MSH3: variants seen among roughly 807,000 people sequenced by gnomAD.
MSH3 encodes the protein mutS homolog 3, also known as DNA mismatch repair protein Msh3.
A neutral mutation model predicts 123.3 loss-of-function variants in MSH3; 106 were observed. The ratio of observed to expected loss-of-function variants is 0.86; its 90% CI spans 0.73 to 1.01. MSH3 has a LOEUF of 1.01. MSH3 is among the 50% of genes least tolerant of loss of function. The pLI, the probability that MSH3 is intolerant of heterozygous loss-of-function variation, is 0.00. For missense variants in MSH3, 1,459 were observed against 1,347.6 expected (o/e 1.08, Z -1.29); for synonymous variants, 515 against 481.4 (o/e 1.07, Z -0.91).
intron 21 of MSH3, among the ~76,000 whole-genome samples, chr5:80,858,741 G>A (rs1745960989): frequency 6.6e-6 from 1 of 152,036 alleles, no homozygotes; most frequent in Non-Finnish European, 1.5e-5. Flanking sequence ...GTGTTGTTGA[G>A]TTCAGCTGTG....
intron 20 of MSH3, among the ~76,000 whole-genome samples, chr5:80,837,136 A>G (rs931825591): frequency 6.6e-6 from 1 of 152,232 alleles, no homozygotes; most frequent in Non-Finnish European, 1.5e-5. Context: ...GTTTTTAAGC[A>G]TAGGAATCAA....
Position 80,854,194 on chromosome 5 carries a change from G to A in MSH3, c.2878G>A (p.Ala960Thr), listed in dbSNP as rs748227776. 6.2e-7 allele frequency: 1 copy of A among 1,613,816 alleles called. No homozygotes were observed. The highest frequency in any genetic ancestry group is 8.5e-7 in the Non-Finnish European group (1 of 1,179,804). ...ATTTATGGAAGAACTGACTGACACA[G>A]CAGAAATAATCAGAAAAGCAACATC... Reference protein sequence around the residue: ...STFMEELTDTAEIIRKATSQS... With the variant: ...STFMEELTDTTEIIRKATSQS... Residue 960 changes from alanine (A) to threonine (T), a missense_variant, in exon 21 of 24, where the codon GCA becomes ACA. Physicochemically the swap from Ala to Thr is moderately conservative, Grantham distance 58 (BLOSUM62 0). Transcript: ENST00000265081.
At chr5:80,819,241 G>A (rs1037918187) in intron 20 of MSH3, among the ~76,000 whole-genome samples, 77 of 151,860 alleles carry the variant, frequency 5.1e-4, no homozygotes, top group African/African-American at 1.8e-3. Context: ...ATGTTATTAG[G>A]AGATGTTAAC....
chr5:80,856,282 TG>T lies in MSH3; in HGVS notation c.3000+1967del, dbSNP rs562844948. ...GATTACATAGGTAATTATAACATTT[TG>T]TTTTTTTTAAGGAATTTTTTGTTTT... On this transcript the variant is annotated intron_variant, in intron 21 of 23. Coordinates refer to ENST00000265081, the MANE Select transcript of MSH3 (RefSeq NM_002439.5). 1.2e-3 allele frequency among the ~76,000 whole-genome samples: 186 copies of T among 152,208 alleles called. 1 individual carries two copies. The highest frequency in any genetic ancestry group is 4.2e-3 in the African/African-American group (173 of 41,530).
intron 16 of MSH3, 73 bp from the exon 17 acceptor site, chr5:80,778,647 T>C: frequency 2.4e-6 from 2 of 848,082 alleles, no homozygotes; most frequent in East Asian, 2.4e-5. Context: ...AAATAACTAA[T>C]TTTCTAAAGT....
intron 19 of MSH3, 101 bp from the exon 20 acceptor site, chr5:80,813,483 A>G: frequency 5.0e-6 from 6 of 1,204,496 alleles, no homozygotes; most frequent in Admixed American, 1.8e-5. Context: ...TTATGCTACA[A>G]AGTAATGTTT....
In MSH3 at chr5:80,665,071, A is replaced by G. The variant is rs1157352034; in HGVS notation, c.359-72A>G. On this transcript the variant is annotated intron_variant, in intron 2 of 23. Transcript: ENST00000265081. Reference sequence around the variant, plus strand: ...GGAATCTACCTCTTTAAAAAATTCTATGCTGGTTATGAATTGACATAATGA... The same window carrying G: ...GGAATCTACCTCTTTAAAAAATTCTGTGCTGGTTATGAATTGACATAATGA... 2.2e-5 allele frequency: 25 copies of G among 1,136,648 alleles called. No homozygotes were observed. In the East Asian group the frequency reaches 2.5e-4, roughly 11 times the overall value. The allele number at this position is 1,136,648 out of a possible 1,614,324, so 70.4% of individuals were successfully genotyped here. A position where few individuals can be genotyped will look rare whatever the true frequency, so the allele number is the denominator to read the frequency against.
chr5:80,770,319 C>T (rs1368709383), intron 15 of MSH3, among the ~76,000 whole-genome samples: 2 of 148,104 alleles, frequency 1.4e-5, no homozygotes, highest in African/African-American at 5.0e-5. Context: ...AGTGCCAATT[C>T]TACCATTTAC....
At position 80,829,370 on chromosome 5, in the gene MSH3, T is replaced by G. The variant is rs1421990879; in HGVS notation, c.2813+15629T>G. On this transcript the variant is annotated intron_variant, in intron 20 of 23. Coordinates refer to ENST00000265081, the MANE Select transcript of MSH3 (RefSeq NM_002439.5). ...CATTAAGTATGATGTTAGCTATAGGTTTTTTTGTGAATATTCCTTATCAAG... is the reference window on the plus strand; with the variant it reads ...CATTAAGTATGATGTTAGCTATAGGGTTTTTTGTGAATATTCCTTATCAAG... 5.3e-5 allele frequency among the ~76,000 whole-genome samples: 8 copies of G among 152,184 alleles called. No homozygotes were observed. In the East Asian group the frequency reaches 9.6e-4, roughly 18 times the overall value.
At chr5:80,772,464 A>G (rs1744229281) in intron 15 of MSH3, among the ~76,000 whole-genome samples, 1 of 152,156 alleles carries the variant, frequency 6.6e-6, no homozygotes, top group Non-Finnish European at 1.5e-5. Context: ...CAGTGATACC[A>G]CAGGCTATAT....
In MSH3 at chr5:80,687,934, G is replaced by C. The variant is rs1433091527; in HGVS notation, c.1340+8841G>C. Among the ~76,000 whole-genome samples, 4 of 152,128 alleles carry C rather than the reference G, an allele frequency of 2.6e-5. No individual in the cohort carries two copies. In the East Asian group the frequency reaches 5.8e-4, roughly 22 times the overall value. On this transcript the variant is annotated intron_variant, in intron 8 of 23. Transcript: ENST00000265081. ...TAGAGAATGCCAATAGTTGGGAATA[G>C]GAGCAAGAATACAAACAGAAGGGGA...
At chr5:80,783,779 G>A (rs928449612) in intron 17 of MSH3, among the ~76,000 whole-genome samples, 3 of 152,148 alleles carry the variant, frequency 2.0e-5, no homozygotes, top group Admixed American at 6.6e-5. Context: ...TGTCCAGAGA[G>A]GCAAGGGCAG....
intron 8 of MSH3, among the ~76,000 whole-genome samples, chr5:80,722,291 A>G (rs1332615149): frequency 6.6e-6 from 1 of 152,204 alleles, no homozygotes; most frequent in East Asian, 1.9e-4. Context: ...AGACCAAGAA[A>G]GTGTTCTGCA....
intron 18 of MSH3, among the ~76,000 whole-genome samples, chr5:80,790,037 G>A (rs369193157): frequency 6.6e-6 from 1 of 152,178 alleles, no homozygotes; most frequent in Non-Finnish European, 1.5e-5. Flanking sequence ...TATCCTGCTT[G>A]TAGGAAAGTA....
intron 21 of MSH3, among the ~76,000 whole-genome samples, chr5:80,858,339 G>A (rs142072619): frequency 2.2e-4 from 34 of 152,206 alleles, no homozygotes; most frequent in Non-Finnish European, 4.4e-4. Flanking sequence ...GTGAGCCACC[G>A]CTCCTGGCCT....
At chr5:80,736,684 A>C (rs2112863640) in intron 10 of MSH3, among the ~76,000 whole-genome samples, 1 of 152,246 alleles carries the variant, frequency 6.6e-6, no homozygotes, top group East Asian at 1.9e-4. Flanking sequence ...ATTTTGGTAC[A>C]TGGTAGGGAG....
chr5:80,792,438 A>T (rs1173815965), intron 18 of MSH3, among the ~76,000 whole-genome samples: 1 of 151,890 alleles, frequency 6.6e-6, no homozygotes, highest in Admixed American at 6.6e-5. Context: ...AAGAAAAGAA[A>T]AAAAAGATCT....
rs1327575538 is a variant in MSH3 at position 80,778,774 on chromosome 5, T to A, written c.2373T>A (p.His791Gln). Residue 791 changes from histidine (H) to glutamine (Q), a missense_variant, in exon 17 of 24, where the codon CAT becomes CAA. His to Gln is a conservative substitution (Grantham distance 24). Transcript: ENST00000265081. ...HSPFIVENYR[H>Q]LNQLREQLVL... ...CTTTTATTGTAGAAAATTACAGACATCTGAATCAGCTCCGGGAGCAGCTAG... is the reference window on the plus strand; with the variant it reads ...CTTTTATTGTAGAAAATTACAGACAACTGAATCAGCTCCGGGAGCAGCTAG... The A allele has an allele frequency of 6.2e-7, 1 of 1,613,516 alleles. No individual in the cohort carries two copies.
rs1745627807 is a variant in MSH3, at chr5:80,841,688, C to A, written c.2814-12442C>A. Among the ~76,000 whole-genome samples, 2 of 152,182 alleles carry A rather than the reference C, an allele frequency of 1.3e-5. 1 individual carries two copies. Among genetic ancestry groups the A allele is most frequent in the South Asian group, 4.1e-4 (2 of 4,828 alleles). ...GAGCATTTTTTCATATGTCTGTTGG[C>A]TGCATGAATGTTTTCTTTTGAGAAG... is the stretch of plus-strand genomic sequence containing the variant. On this transcript the variant is annotated intron_variant, in intron 20 of 23. Coordinates refer to ENST00000265081, the MANE Select transcript of MSH3 (RefSeq NM_002439.5).
Sources: allele counts gnomAD v4.1 joint callset (sites outside exome capture counted in the v4.1 genomes callset), GRCh38; gene constraint gnomAD v4.1.1; transcripts MANE v1.5; gene names NCBI Gene and HGNC (gene_info 2026-07-23, HGNC 2026-07-21).